The following ASAP1 variants were observed in gnomAD, a reference collection of about 807,000 sequenced individuals.
The protein encoded by ASAP1 is arf-GAP with SH3 domain, ANK repeat and PH domain-containing protein 1.
ASAP1 carries 43 observed loss-of-function variants against 145.2 expected under a neutral mutation model. That is an observed-to-expected ratio of 0.30 (90% CI 0.23 to 0.38). ASAP1 has a LOEUF of 0.38. Ranked by LOEUF, ASAP1 falls within the 10% of genes least tolerant of loss-of-function variation. ASAP1 has a pLI of 1.00. For synonymous variants in ASAP1, 546 were observed against 515.5 expected, an observed-to-expected ratio of 1.06 and a Z score of -0.80; for missense variants, 1,018 against 1,355.3, an observed-to-expected ratio of 0.75 and a Z score of 3.91.
intron 4 of ASAP1, 62 bp downstream of exon 4, chr8:130,236,856 ATAAC>A (rs1450500210): frequency 2.5e-6 from 3 of 1,198,422 alleles, no homozygotes; most frequent in Non-Finnish European, 3.5e-6. Flanking sequence ...CATCTTTTAA[ATAAC>A]TAACAAAACT....
rs1450494025 is a variant in ASAP1, at chr8:130,134,462, TA to T, written c.1169-119del. The T allele has an allele frequency of 1.6e-5, 9 of 554,004 alleles. No individual in the cohort carries two copies. In the African/African-American group the frequency reaches 1.8e-4, roughly 11 times the overall value. The allele number at this position is 554,004 out of a possible 1,614,324, so 34.3% of individuals were successfully genotyped here. A position where few individuals can be genotyped will look rare whatever the true frequency, so the allele number is the denominator to read the frequency against. On this transcript the variant is annotated intron_variant, in intron 14 of 29. Coordinates refer to ENST00000518721, the MANE Select transcript of ASAP1 (RefSeq NM_018482.4). ...TAAAAGTAGAATTTTAATATTATTTTAGTTTTACGCCATTATGTGCCAGGTG... is the reference window on the plus strand; with the variant it reads ...TAAAAGTAGAATTTTAATATTATTTTGTTTTACGCCATTATGTGCCAGGTG...
intron 9 of ASAP1, among the ~76,000 whole-genome samples, chr8:130,173,144 C>T (rs868783576): frequency 1.4e-4 from 22 of 152,112 alleles, no homozygotes; most frequent in African/African-American, 4.8e-4. Context: ...TGGAGGCAAG[C>T]CCCTTGCAGA....
chr8:130,338,124 C>T (rs553061768), intron 3 of ASAP1, among the ~76,000 whole-genome samples: 4 of 152,314 alleles, frequency 2.6e-5, no homozygotes, highest in African/African-American at 9.6e-5. Context: ...GCTTTACATG[C>T]ATTCGTTCAC....
intron 5 of ASAP1, among the ~76,000 whole-genome samples, chr8:130,188,819 C>T (rs976545610): frequency 2.6e-5 from 4 of 151,672 alleles, no homozygotes; most frequent in South Asian, 4.2e-4. Flanking sequence ...CTACAGTACA[C>T]GTATATGTGT....
intron 1 of ASAP1, among the ~76,000 whole-genome samples, chr8:130,441,765 T>C (rs960182580): frequency 6.6e-6 from 1 of 152,290 alleles, no homozygotes; most frequent in Non-Finnish European, 1.5e-5. Context: ...CCTCACCAAA[T>C]GGCAAGCTTG....
At chr8:130,314,569 C>T (rs1164018976) in intron 3 of ASAP1, among the ~76,000 whole-genome samples, 1 of 152,206 alleles carries the variant, frequency 6.6e-6, no homozygotes, top group Non-Finnish European at 1.5e-5. Context: ...AATACCCACA[C>T]TAGGAAACAC....
At chr8:130,183,422 C>T (rs896655624) in intron 7 of ASAP1, among the ~76,000 whole-genome samples, 11 of 152,098 alleles carry the variant, frequency 7.2e-5, no homozygotes, top group Non-Finnish European at 1.2e-4. Flanking sequence ...CTCACTACAA[C>T]CTCTGCCTCC....
At position 130,060,944 on chromosome 8, in the gene ASAP1, G is replaced by T; in HGVS notation, c.2827C>A (p.Pro943Thr). The T allele has an allele frequency of 6.2e-7, 1 of 1,607,388 alleles. No homozygotes were observed. Among genetic ancestry groups the T allele is most frequent in the Non-Finnish European group, 8.5e-7 (1 of 1,176,448 alleles). ...KPPPGDLPPK[P>T]TELAPKPQIG... is the part of the protein sequence containing the mutation. Reference sequence around the variant, plus strand: ...TGGGGCTTGGGGGCCAGTTCTGTGGGCTTTGGGGGCAGGTCTCCAGGTGGT... The same window carrying T: ...TGGGGCTTGGGGGCCAGTTCTGTGGTCTTTGGGGGCAGGTCTCCAGGTGGT... Residue 943 changes from proline (P) to threonine (T), a missense_variant, in exon 28 of 30, where the codon CCC becomes ACC. By Grantham distance (38) the Pro-to-Thr change is conservative. Transcript: ENST00000518721.
At chr8:130,428,611 A>G (rs1431857215) in intron 1 of ASAP1, among the ~76,000 whole-genome samples, 1 of 146,896 alleles carries the variant, frequency 6.8e-6, no homozygotes, top group Non-Finnish European at 1.5e-5. Context: ...TATCACCATC[A>G]TCATCACCAC....
chr8:130,155,086 CCAAT>C (rs1380384932), intron 12 of ASAP1, among the ~76,000 whole-genome samples: 5 of 152,172 alleles, frequency 3.3e-5, no homozygotes, highest in African/African-American at 7.2e-5. Context: ...ACTCAATCCA[CCAAT>C]CAAACTATTC....
At chr8:130,165,353 A>G (rs531409701) in intron 11 of ASAP1, among the ~76,000 whole-genome samples, 1 of 152,108 alleles carries the variant, frequency 6.6e-6, no homozygotes, top group East Asian at 1.9e-4. Flanking sequence ...AAACAAAAAA[A>G]CCCCAAAAAA....
intron 3 of ASAP1, among the ~76,000 whole-genome samples, chr8:130,260,959 A>C (rs891843266): frequency 2.6e-5 from 4 of 152,156 alleles, no homozygotes; most frequent in African/African-American, 7.2e-5. Context: ...GGAAATTTCA[A>C]AGTCTCCCAG....
At chr8:130,268,435 C>G (rs1362533245) in intron 3 of ASAP1, among the ~76,000 whole-genome samples, 1 of 149,930 alleles carries the variant, frequency 6.7e-6, no homozygotes, top group African/African-American at 2.5e-5. Context: ...TTGTAGTGAG[C>G]TGGGATCATG....
At chr8:130,347,111 A>C (rs1312222556) in intron 3 of ASAP1, among the ~76,000 whole-genome samples, 3 of 152,250 alleles carry the variant, frequency 2.0e-5, no homozygotes, top group Non-Finnish European at 4.4e-5. Context: ...TTCCGAAGAC[A>C]GCCAAGTTGC....
chr8:130,082,065 C>T (rs1433060994), intron 25 of ASAP1, among the ~76,000 whole-genome samples: 2 of 152,182 alleles, frequency 1.3e-5, no homozygotes, highest in African/African-American at 4.8e-5. Context: ...TCACCACACT[C>T]TAGCACCTAT....
At chr8:130,441,722 G>A (rs1386222367) in intron 1 of ASAP1, among the ~76,000 whole-genome samples, 1 of 152,220 alleles carries the variant, frequency 6.6e-6, no homozygotes, top group African/African-American at 2.4e-5. Context: ...TGTGGCTGGT[G>A]AGGACTGGGG....
chr8:130,428,555 C>G (rs541131016), intron 1 of ASAP1, among the ~76,000 whole-genome samples: 2 of 127,146 alleles, frequency 1.6e-5, no homozygotes, highest in African/African-American at 5.9e-5. Flanking sequence ...CATATAACTA[C>G]CACCATCATC....
At chr8:130,340,691 A>AT (rs1261705752) in intron 3 of ASAP1, among the ~76,000 whole-genome samples, 2 of 152,352 alleles carry the variant, frequency 1.3e-5, no homozygotes, top group African/African-American at 4.8e-5. Context: ...GCTCCACCAT[A>AT]TAACAGTTGT....
At chr8:130,290,384 C>T (rs1017063319) in intron 3 of ASAP1, among the ~76,000 whole-genome samples, 2 of 152,182 alleles carry the variant, frequency 1.3e-5, no homozygotes, top group African/African-American at 2.4e-5. Context: ...GTTCAGAACT[C>T]GTTAAGCAAA....
Sources: allele counts gnomAD v4.1 joint callset (sites outside exome capture counted in the v4.1 genomes callset), GRCh38; gene constraint gnomAD v4.1.1; transcripts MANE v1.5; gene names NCBI Gene and HGNC (gene_info 2026-07-23, HGNC 2026-07-21).